Variants in CLCNKB observed in about 807,000 individuals in gnomAD.
The protein encoded by CLCNKB is chloride channel protein ClC-Kb.
Under a neutral mutation model 83.8 loss-of-function variants are expected in CLCNKB, and 74 were observed. That is an observed-to-expected ratio of 0.88 (90% CI 0.73 to 1.07). The LOEUF (loss-of-function observed/expected upper bound fraction) is 1.07. CLCNKB is among the 50% of genes least tolerant of loss of function. CLCNKB has a pLI of 0.00. For synonymous variants in CLCNKB, 358 were observed against 356.6 expected (o/e 1.00, Z -0.04); for missense variants, 798 against 893.6 (o/e 0.89, Z 1.36).
intron 8 of CLCNKB, among the ~76,000 whole-genome samples, 168 bp from the exon 9 acceptor site, chr1:16,049,450 A>G (rs1456085022): frequency 6.6e-6 from 1 of 152,012 alleles, no homozygotes; most frequent in Non-Finnish European, 1.5e-5. Context: ...GGTAGAAGGG[A>G]TGAGGCTGGG....
At chr1:16,053,103 CA>C (rs2023343223) in intron 15 of CLCNKB, among the ~76,000 whole-genome samples, 1 of 151,664 alleles carries the variant, frequency 6.6e-6, no homozygotes, top group Non-Finnish European at 1.5e-5. Context: ...CAATCTCAGT[CA>C]CTGCAACCTC....
Position 16,046,564 on chromosome 1 carries a change from GACAGCCAC to G in CLCNKB, c.260_267del (p.Asp87AlafsTer103). 1 of 1,614,108 alleles carries G rather than the reference GACAGCCAC, an allele frequency of 6.2e-7. No homozygotes were observed. The highest frequency in any genetic ancestry group is 8.5e-7 in the Non-Finnish European group (1 of 1,180,026). On this transcript the variant is annotated frameshift_variant, in exon 4 of 20. Coordinates refer to ENST00000375679, the MANE Select transcript of CLCNKB (RefSeq NM_000085.5). LOFTEE classifies it high-confidence loss of function. ...CCAGTGGCTGTACAGGGAGATTGGG[GACAGCCAC>G]CTGCTCCGGTATCTCTCCTGGACTG...
Position 16,046,515 on chromosome 1 carries a change from T to G in CLCNKB, c.230-20T>G. ...GCTGCAGAGGCTGTGGGTGCCTCCC[T>G]GATACCCGGCTGTCCCCAGCGCACC... is the stretch of plus-strand genomic sequence containing the variant. On this transcript the variant is annotated intron_variant, in intron 3 of 19. Transcript: ENST00000375679. The G allele has an allele frequency of 6.2e-7, 1 of 1,613,374 alleles. No homozygotes were observed. The highest frequency in any genetic ancestry group is 8.5e-7 in the Non-Finnish European group (1 of 1,179,986).
intron 8 of CLCNKB, 88 bp from the exon 9 acceptor site, chr1:16,049,530 C>G (rs1178185419): frequency 7.7e-7 from 1 of 1,297,268 alleles, no homozygotes; most frequent in Non-Finnish European, 1.1e-6. Flanking sequence ...GGACCTGGCA[C>G]CCCCTCCACC....
At position 16,050,605 on chromosome 1, in the gene CLCNKB, G is replaced by A; in HGVS notation, c.1053+5G>A. The A allele has an allele frequency of 6.2e-7, 1 of 1,613,832 alleles. No homozygotes were observed. Among genetic ancestry groups the A allele is most frequent in the Admixed American group, 1.7e-5 (1 of 60,022 alleles). ...GGCCGCTTCCTAGCTTCTCGGGTAAGGGGCCTTGAGTGGGGTGGCAGGAGT... is the reference window on the plus strand; with the variant it reads ...GGCCGCTTCCTAGCTTCTCGGGTAAAGGGCCTTGAGTGGGGTGGCAGGAGT... On this transcript the variant is annotated splice_donor_5th_base_variant and intron_variant, in intron 11 of 19. Coordinates refer to ENST00000375679, the MANE Select transcript of CLCNKB (RefSeq NM_000085.5).
At chr1:16,055,605 G>A in intron 17 of CLCNKB, 70 bp from the exon 18 acceptor site, 1 of 1,594,422 alleles carries the variant, frequency 6.3e-7, no homozygotes, top group South Asian at 1.1e-5. Context: ...GATATCCTGA[G>A]GGAGAGGTGG....
In CLCNKB at chr1:16,048,287, G is replaced by T. The variant is rs1557467876; in HGVS notation, c.499-56G>T. 63 of 1,593,794 alleles carry T rather than the reference G, an allele frequency of 4.0e-5. No homozygotes were observed. The South Asian group carries it at 6.5e-4, about 16-fold the overall frequency. On this transcript the variant is annotated intron_variant, in intron 5 of 19. Transcript: ENST00000375679. ...TGGGGGGAAGCCGTGCTGACTCTGG[G>T]TGAGACCGTCTCTGCTGCCCTCACC...
In CLCNKB at chr1:16,050,546, G is replaced by T. The variant is rs1410017167; in HGVS notation, c.999G>T (p.Leu333Phe). Residue 333 changes from leucine (L) to phenylalanine (F), a missense_variant, in exon 11 of 20, where the codon TTG (leucine) becomes TTT (phenylalanine). Transcript: ENST00000375679. ...CTGTGTACTCCGCTCTGGCCACCTT[G>T]GTTCTCGCCTCCATCACCTACCCAC... ...SKPVYSALAT[L>F]VLASITYPPS... The T allele has an allele frequency of 6.2e-7, 1 of 1,613,982 alleles. No individual in the cohort carries two copies. The highest frequency in any genetic ancestry group is 1.7e-5 in the Admixed American group (1 of 59,996).
At chr1:16,051,449 C>G (rs768947829) in intron 12 of CLCNKB, 29 bp from the exon 13 acceptor site, 3 of 1,613,126 alleles carry the variant, frequency 1.9e-6, no homozygotes, top group South Asian at 1.1e-5. Flanking sequence ...CAGCCTCTAA[C>G]CTCTGCCCTG....
intron 4 of CLCNKB, 38 bp from the exon 5 acceptor site, chr1:16,047,867 A>G: frequency 1.2e-6 from 2 of 1,609,752 alleles, no homozygotes; most frequent in South Asian, 2.2e-5. Flanking sequence ...TTTAACCTAG[A>G]GATTGTCCCC....
rs1323024146 is a variant in CLCNKB, at chr1:16,050,092, C to A, written c.968+176C>A. ...AGTCCCCACAGTCACTGCCCGACTA[C>A]CTTACTGGCCTCAAACCTCCCCATT... On this transcript the variant is annotated intron_variant, in intron 10 of 19. Coordinates refer to ENST00000375679, the MANE Select transcript of CLCNKB (RefSeq NM_000085.5). Among the ~76,000 whole-genome samples the A allele has an allele frequency of 2.0e-5, 3 of 152,214 alleles. No homozygotes were observed. The East Asian group carries it at 5.8e-4, about 29-fold the overall frequency.
chr1:16,049,298 G>T, intron 8 of CLCNKB, 53 bp downstream of exon 8: 4 of 1,607,298 alleles, frequency 2.5e-6, no homozygotes, highest in Non-Finnish European at 3.4e-6. Context: ...CGGGGCGAGG[G>T]GGCCCTCCCT....
In CLCNKB at chr1:16,057,243, GAT is replaced by G. The variant is rs1205319082; in HGVS notation, c.*328_*329del. The G allele has an allele frequency of 1.5e-6, 1 of 675,836 alleles. No homozygotes were observed. Among genetic ancestry groups the G allele is most frequent in the East Asian group, 2.9e-5 (1 of 34,400 alleles). 41.9% of individuals were successfully genotyped at this position (675,836 alleles called of 1,614,324 possible). On this transcript the variant is annotated 3_prime_UTR_variant, in exon 20 of 20. Coordinates refer to ENST00000375679, the MANE Select transcript of CLCNKB (RefSeq NM_000085.5). ...TACACTGTCACCAAGGGCAGGCACAGATGCCTTCTGGGGTTGTCTGGTTCCCA... is the reference window on the plus strand; with the variant it reads ...TACACTGTCACCAAGGGCAGGCACAGGCCTTCTGGGGTTGTCTGGTTCCCA...
chr1:16,057,146 A>G lies in CLCNKB; in HGVS notation c.*230A>G. On this transcript the variant is annotated 3_prime_UTR_variant, in exon 20 of 20. Coordinates refer to ENST00000375679, the MANE Select transcript of CLCNKB (RefSeq NM_000085.5). ...CCCACCTTGGGCAGAGCTGAGTGTG[A>G]GAAGATGGAAAACCAGTATCTGCCA... 1 of 689,164 alleles carries G rather than the reference A, an allele frequency of 1.5e-6. No individual in the cohort carries two copies. The highest frequency in any genetic ancestry group is 2.7e-6 in the Non-Finnish European group (1 of 370,866). The allele number at this position is 689,164 out of a possible 1,614,324, so 42.7% of individuals were successfully genotyped here. A position where few individuals can be genotyped will look rare whatever the true frequency, so the allele number is the denominator to read the frequency against.
intron 7 of CLCNKB, 145 bp downstream of exon 7, chr1:16,048,727 G>C (rs1428305851): frequency 2.8e-5 from 42 of 1,474,774 alleles, no homozygotes; most frequent in Non-Finnish European, 3.7e-5. Flanking sequence ...CACAGCCACC[G>C]CCCCCCACCG....
At position 16,050,553 on chromosome 1, in the gene CLCNKB, G is replaced by C; in HGVS notation, c.1006G>C (p.Ala336Pro). The C allele has an allele frequency of 6.2e-7, 1 of 1,614,036 alleles. No homozygotes were observed. The highest frequency in any genetic ancestry group is 2.2e-5 in the East Asian group (1 of 44,876). ...VYSALATLVL[A>P]SITYPPSAGR... is the part of the protein sequence containing the mutation. ...CTCCGCTCTGGCCACCTTGGTTCTC[G>C]CCTCCATCACCTACCCACCCAGCGC... is the stretch of plus-strand genomic sequence containing the variant. The change falls in exon 11 of 20, where the codon GCC (alanine) becomes CCC (proline). Residue 336 changes from alanine (A) to proline (P), a missense_variant. Transcript: ENST00000375679.
chr1:16,055,140 C>G (rs2023399296), intron 16 of CLCNKB, among the ~76,000 whole-genome samples: 1 of 152,146 alleles, frequency 6.6e-6, no homozygotes, highest in Admixed American at 6.5e-5. Context: ...CCCTAGCTTG[C>G]TCCTGTCTTG....
chr1:16,050,467 G>C (rs200117310), intron 10 of CLCNKB, 49 bp from the exon 11 acceptor site: 1 of 1,584,954 alleles, frequency 6.3e-7, no homozygotes, highest in East Asian at 2.2e-5. Context: ...CCTCTCCTTG[G>C]GATGTGGGAA....
Position 16,048,575 on chromosome 1 carries a change from C to G in CLCNKB, c.648C>G (p.Pro216=). The G allele has an allele frequency of 6.2e-7, 1 of 1,613,272 alleles. No individual in the cohort carries two copies. The highest frequency in any genetic ancestry group is 8.5e-7 in the Non-Finnish European group (1 of 1,179,602). ...AVGVATVFAA[P]FSGVLFSIEV... ...GCGTGGCCACAGTCTTTGCAGCTCCCTTCAGCGGTGAGACCCCTTCATGCC... is the reference window on the plus strand; with the variant it reads ...GCGTGGCCACAGTCTTTGCAGCTCCGTTCAGCGGTGAGACCCCTTCATGCC... Residue 216 remains proline, a synonymous_variant, in exon 7 of 20, where the codon CCC becomes CCG. Transcript: ENST00000375679.
Sources: allele counts gnomAD v4.1 joint callset (sites outside exome capture counted in the v4.1 genomes callset), GRCh38; gene constraint gnomAD v4.1.1; transcripts MANE v1.5; gene names NCBI Gene and HGNC (gene_info 2026-07-23, HGNC 2026-07-21).